Variants in MTCL2 observed in about 807,000 individuals in gnomAD.
MTCL2 encodes the protein microtubule cross-linking factor 2.
the MTCL2 span, among the ~76,000 whole-genome samples, chr20:36,851,504 A>G: frequency 6.6e-6 from 1 of 152,122 alleles, no homozygotes; most frequent in East Asian, 1.9e-4. Flanking sequence ...CAGCCACCTC[A>G]CCTGTCCCAC....
the MTCL2 span, among the ~76,000 whole-genome samples, chr20:36,841,874 G>GGGGGGGT: frequency 1.8e-5 from 2 of 110,768 alleles, no homozygotes; most frequent in East Asian, 3.7e-4. Context: ...TGGGGGGTGG[G>GGGGGGGT]GTGTGTGTGT....
At chr20:36,810,182 G>A in the MTCL2 span, 1 of 1,499,788 alleles carries the variant, frequency 6.7e-7, no homozygotes, top group Non-Finnish European at 9.0e-7. Flanking sequence ...GTGATCTAAG[G>A]ATGACAGTGG....
the MTCL2 span, chr20:36,862,886 C>G: frequency 8.1e-7 from 1 of 1,241,668 alleles, no homozygotes; most frequent in South Asian, 2.5e-5. Flanking sequence ...CCGTACGGAC[C>G]CCCGCCGGGC....
At chr20:36,844,557 T>C in the MTCL2 span, among the ~76,000 whole-genome samples, 22 of 147,608 alleles carry the variant, frequency 1.5e-4, no homozygotes, top group Non-Finnish European at 2.4e-4. Flanking sequence ...CCTGGTCTGG[T>C]AGTGCACCTG....
At chr20:36,842,098 G>A in the MTCL2 span, among the ~76,000 whole-genome samples, 4 of 152,102 alleles carry the variant, frequency 2.6e-5, no homozygotes, top group Non-Finnish European at 5.9e-5. Flanking sequence ...TTCTGCTACC[G>A]CTGTCATCAG....
chr20:36,828,317 G>A, the MTCL2 span, among the ~76,000 whole-genome samples: 1 of 152,186 alleles, frequency 6.6e-6, no homozygotes, highest in African/African-American at 2.4e-5. Flanking sequence ...GCATGGCCTT[G>A]AGGTTGTCCC....
the MTCL2 span, chr20:36,784,883 C>T: frequency 4.2e-5 from 41 of 985,480 alleles, 1 homozygote; most frequent in East Asian, 4.4e-3. Flanking sequence ...CGATAAACAA[C>T]ATTCTCAAAG....
the MTCL2 span, among the ~76,000 whole-genome samples, chr20:36,791,384 G>C: frequency 6.6e-6 from 1 of 152,134 alleles, no homozygotes; most frequent in Non-Finnish European, 1.5e-5. Flanking sequence ...TATACCTAAG[G>C]AAATAGTCTG....
chr20:36,815,004 G>T, the MTCL2 span: 1 of 956,196 alleles, frequency 1.0e-6, no homozygotes, highest in Non-Finnish European at 1.5e-6. The surrounding 1 kb of genome is among the most constrained non-coding windows in gnomAD (Gnocchi z 5.3). Context: ...CGAGGCTGCA[G>T]TGAACTGAGA....
At chr20:36,809,227 A>G in the MTCL2 span, among the ~76,000 whole-genome samples, 1 of 152,224 alleles carries the variant, frequency 6.6e-6, no homozygotes, top group Non-Finnish European at 1.5e-5. Flanking sequence ...CCCTGGGCAG[A>G]GCACTCCAGC....
the MTCL2 span, chr20:36,785,162 C>T: frequency 2.0e-5 from 20 of 985,192 alleles, no homozygotes; most frequent in South Asian, 4.7e-5. Flanking sequence ...CATGGCCAGC[C>T]GTGTTGGGGT....
At chr20:36,816,553 C>T in the MTCL2 span, among the ~76,000 whole-genome samples, 2 of 152,058 alleles carry the variant, frequency 1.3e-5, no homozygotes, top group South Asian at 2.1e-4. Flanking sequence ...CAACTGCTGC[C>T]ACTACAGTTT....
the MTCL2 span, among the ~76,000 whole-genome samples, chr20:36,798,238 T>C: frequency 6.6e-6 from 1 of 152,124 alleles, no homozygotes; most frequent in Non-Finnish European, 1.5e-5. Context: ...GCCTGGCTAA[T>C]TTTTGTGTTT....
the MTCL2 span, among the ~76,000 whole-genome samples, chr20:36,788,182 C>G: frequency 8.1e-6 from 1 of 123,538 alleles, no homozygotes; most frequent in African/African-American, 3.1e-5. Flanking sequence ...GCCTGGGGGA[C>G]AGAGTGAGAC....
the MTCL2 span, among the ~76,000 whole-genome samples, chr20:36,822,276 G>T: frequency 6.6e-6 from 1 of 152,294 alleles, no homozygotes; most frequent in African/African-American, 2.4e-5. Flanking sequence ...TGCCCAAGAG[G>T]CAGATGTTCT....
chr20:36,793,815 GGGA>G, the MTCL2 span: 5 of 1,542,660 alleles, frequency 3.2e-6, no homozygotes, highest in Non-Finnish European at 4.4e-6. The surrounding 1 kb of genome is among the most constrained non-coding windows in gnomAD (Gnocchi z 6.8). Flanking sequence ...ACCTTGTCCA[GGGA>G]GGAGGAGATC....
chr20:36,845,245 A>C, the MTCL2 span, among the ~76,000 whole-genome samples: 1 of 151,972 alleles, frequency 6.6e-6, no homozygotes, highest in Non-Finnish European at 1.5e-5. Flanking sequence ...CCTTCTAGTT[A>C]TTTCCCCCCC....
chr20:36,792,908 T>A, the MTCL2 span, among the ~76,000 whole-genome samples: 108 of 144,068 alleles, frequency 7.5e-4, 1 homozygote, highest in African/African-American at 2.7e-3. Flanking sequence ...AGATAGATAA[T>A]TTTTTTTTTT....
chr20:36,863,215 C>G, the MTCL2 span: 2 of 1,215,350 alleles, frequency 1.6e-6, no homozygotes, highest in Non-Finnish European at 2.0e-6. This position sits in a 1 kb window ranked among gnomAD's most constrained non-coding sequence, Gnocchi z 6.2. Context: ...AGCGACCAGC[C>G]GGCCACGTCT....
Sources: allele counts gnomAD v4.1 joint callset (sites outside exome capture counted in the v4.1 genomes callset), GRCh38; gene constraint gnomAD v4.1.1; non-coding constraint Gnocchi (gnomAD v3.1); transcripts MANE v1.5; gene names NCBI Gene and HGNC (gene_info 2026-07-23, HGNC 2026-07-21).